Variants in IL1R1 observed in about 807,000 individuals in gnomAD.
IL1R1 encodes the protein interleukin-1 receptor type 1.
In IL1R1, 22 loss-of-function variants were observed where a neutral mutation model predicts 50.2. The observed-to-expected ratio is 0.44, with a 90% confidence interval of 0.31 to 0.63. IL1R1 has a LOEUF of 0.63. Among genes scored for constraint, IL1R1 ranks in the 20% least tolerant of loss-of-function variants. The pLI is 0.07. For synonymous variants in IL1R1, 251 were observed against 236.7 expected (o/e 1.06, Z -0.55); for missense variants, 509 against 676.2 (o/e 0.75, Z 2.74).
intron 1 of IL1R1, among the ~76,000 whole-genome samples, chr2:102,145,066 C>A (rs10165894): frequency 4.6e-5 from 7 of 152,152 alleles, no homozygotes; most frequent in Non-Finnish European, 7.4e-5. Flanking sequence ...TGGACAATTG[C>A]GGTGAAACTA....
At chr2:102,137,096 T>A (rs1167621374) in intron 1 of IL1R1, among the ~76,000 whole-genome samples, 1 of 152,188 alleles carries the variant, frequency 6.6e-6, no homozygotes, top group Non-Finnish European at 1.5e-5. Flanking sequence ...ATAATAATAA[T>A]CTTAAGGAAG....
upstream of IL1R1, among the ~76,000 whole-genome samples, chr2:102,140,456 G>A (rs1338744594): frequency 6.6e-6 from 1 of 152,246 alleles, no homozygotes; most frequent in Non-Finnish European, 1.5e-5. Context: ...CATTTCAGAG[G>A]TGGGAGGGAG....
At chr2:102,168,381 G>A (rs1262231028) in intron 6 of IL1R1, among the ~76,000 whole-genome samples, 3 of 152,162 alleles carry the variant, frequency 2.0e-5, no homozygotes, top group Non-Finnish European at 2.9e-5. Context: ...CTATGAATTC[G>A]GAAGGTCTAG....
chr2:102,076,019 C>G (rs1678941223), intron 1 of IL1R1, among the ~76,000 whole-genome samples: 1 of 152,180 alleles, frequency 6.6e-6, no homozygotes, highest in Admixed American at 6.5e-5. Flanking sequence ...TTCTCCCTTC[C>G]TGGTCTTTGT....
chr2:102,150,542 G>A (rs1683558666), intron 1 of IL1R1, among the ~76,000 whole-genome samples: 1 of 152,192 alleles, frequency 6.6e-6, no homozygotes, highest in Admixed American at 6.5e-5. Context: ...TGTTGCACGT[G>A]CTGCTGTAGT....
chr2:102,101,044 T>A (rs1298931246), upstream of IL1R1, among the ~76,000 whole-genome samples: 3 of 152,194 alleles, frequency 2.0e-5, no homozygotes, highest in Admixed American at 1.3e-4. Flanking sequence ...TGTGTCACAC[T>A]GGAAAGCATT....
intron 6 of IL1R1, among the ~76,000 whole-genome samples, chr2:102,167,241 A>G (rs1685258554): frequency 6.6e-6 from 1 of 152,112 alleles, no homozygotes; most frequent in African/African-American, 2.4e-5. Context: ...TTATTAAATA[A>G]AAGTTAATTC....
chr2:102,148,226 A>G (rs1038091125), intron 1 of IL1R1, among the ~76,000 whole-genome samples: 1 of 152,218 alleles, frequency 6.6e-6, no homozygotes. Flanking sequence ...AGTGGTCCCC[A>G]GCACGCTCTG....
chr2:102,173,231 A>C (rs961133891), intron 9 of IL1R1, among the ~76,000 whole-genome samples: 1 of 152,238 alleles, frequency 6.6e-6, no homozygotes, highest in Non-Finnish European at 1.5e-5. Context: ...GTACCCAATG[A>C]ACTACATTGA....
chr2:102,096,714 G>A (rs1175257122), intron 1 of IL1R1, among the ~76,000 whole-genome samples: 1 of 151,832 alleles, frequency 6.6e-6, no homozygotes, highest in African/African-American at 2.4e-5. Flanking sequence ...TAATAATAAT[G>A]TAGGCAAATA....
At chr2:102,130,853 A>G (rs1024794) in intron 1 of IL1R1, among the ~76,000 whole-genome samples, 39,435 of 151,992 alleles carry the variant, frequency 0.26, 6,325 homozygotes, top group Non-Finnish European at 0.34. Flanking sequence ...AAACAACTAA[A>G]TTACTCTACA....
At position 102,090,126 on chromosome 2, in the gene IL1R1, G is replaced by A. The variant is rs565647527; in HGVS notation, c.-84+19593G>A. 3.0e-3 allele frequency among the ~76,000 whole-genome samples: 459 copies of A among 150,990 alleles called. 1 individual carries two copies. The highest frequency in any genetic ancestry group is 0.01 in the African/African-American group (428 of 41,078). On this transcript the variant is annotated intron_variant, in intron 1 of 11. Transcript: ENST00000409929. ...TAGGATTACAGGCATGAGCCACTGC[G>A]CCCAGCCTATCCTTTTTTTTTCAAT...
chr2:102,164,074 C>T (rs1283360519), intron 3 of IL1R1, among the ~76,000 whole-genome samples: 1 of 152,150 alleles, frequency 6.6e-6, no homozygotes, highest in Admixed American at 6.5e-5. Context: ...GTGTTACTCC[C>T]TCCAGTTCGT....
intron 1 of IL1R1, among the ~76,000 whole-genome samples, chr2:102,096,875 CTTT>C (rs11300476): frequency 7.3e-5 from 10 of 137,876 alleles, no homozygotes; most frequent in African/African-American, 1.1e-4. Context: ...TGAAGTGGAT[CTTT>C]TTTTTTTTTT....
intron 1 of IL1R1, among the ~76,000 whole-genome samples, chr2:102,120,805 A>G (rs1681362436): frequency 6.6e-6 from 1 of 152,194 alleles, no homozygotes; most frequent in African/African-American, 2.4e-5. Context: ...ATTTGTTCCT[A>G]GATACACCTC....
intron 1 of IL1R1, among the ~76,000 whole-genome samples, chr2:102,107,061 C>T (rs1680457714): frequency 6.6e-6 from 1 of 152,134 alleles, no homozygotes; most frequent in Non-Finnish European, 1.5e-5. Context: ...CTCTAGATCC[C>T]TGCTGCTAAA....
At chr2:102,148,769 G>T (rs866204792) in intron 1 of IL1R1, among the ~76,000 whole-genome samples, 2 of 151,252 alleles carry the variant, frequency 1.3e-5, no homozygotes, top group East Asian at 3.8e-4. Context: ...CTATGGCTTT[G>T]TAAGTCCCTT....
At position 102,118,196 on chromosome 2, in the gene IL1R1, G is replaced by A. The variant is rs1681195927; in HGVS notation, c.-84+13324G>A. On this transcript the variant is annotated intron_variant, in intron 1 of 10. Transcript: ENST00000409329. ...GGAAGACCTGGAGGCTGGAGATTGA[G>A]TTAATGATCAGTGATGTTCAAGTAA... Among the ~76,000 whole-genome samples, 3 of 152,106 alleles carry A rather than the reference G, an allele frequency of 2.0e-5. No homozygotes were observed. The South Asian group carries it at 6.2e-4, about 31-fold the overall frequency.
chr2:102,133,663 T>G (rs1053303142), intron 1 of IL1R1, among the ~76,000 whole-genome samples: 5 of 152,080 alleles, frequency 3.3e-5, no homozygotes, highest in Non-Finnish European at 7.4e-5. Context: ...AGAAAAACAA[T>G]CATATAATTG....
Sources: gnomAD v4.1 joint callset for allele counts (sites outside exome capture counted in the v4.1 genomes callset) on GRCh38, gnomAD v4.1.1 for gene constraint, MANE v1.5 for transcripts, NCBI Gene and HGNC (gene_info 2026-07-23, HGNC 2026-07-21) for gene names.